VSIG10L2: variants seen among roughly 807,000 people sequenced by gnomAD.
VSIG10L2 encodes the protein V-set and immunoglobulin domain-containing protein 10-like 2.
VSIG10L2 carries 56 observed loss-of-function variants against 67.1 expected under a neutral mutation model. The observed-to-expected ratio is 0.83, with a 90% CI of 0.67 to 1.04. The LOEUF is 1.04. VSIG10L2 is among the 50% of genes least tolerant of loss of function. VSIG10L2 has a pLI of 0.00. For missense variants in VSIG10L2, 843 were observed against 932.8 expected, an observed-to-expected ratio of 0.90 and a Z score of 1.25; for synonymous variants, 360 against 396.6, an observed-to-expected ratio of 0.91 and a Z score of 1.10.
rs140039395 is a variant in VSIG10L2, at chr11:125,955,506, C to A, written c.2231C>A (p.Thr744Lys). The A allele has an allele frequency of 1.2e-3, 1,125 of 962,972 alleles. 2 individuals are homozygous for A. Among genetic ancestry groups the A allele is most frequent in the Non-Finnish European group, 1.2e-3 (783 of 644,870 alleles). The allele number at this position is 962,972 out of a possible 1,614,324, so 59.7% of individuals were successfully genotyped here. The change falls in exon 10 of 12, where the codon ACG becomes AAG. Residue 744 changes from threonine to lysine, a missense_variant and splice_region_variant. Thr to Lys is a moderately conservative substitution (Grantham distance 78). Transcript: ENST00000686984. ...GGCCTTGGTCAATTGCTTGTTCCCA[C>A]GTGAGTGTGGAACCCCAGTCATCCT... Reference protein sequence around the residue: ...FPRLGQLLVPTEQRHQQRGSR... With the variant: ...FPRLGQLLVPKEQRHQQRGSR...
rs1945347219 is a variant in VSIG10L2 at position 125,950,153 on chromosome 11, C to CCACA, written c.851_854dup (p.Gln286HisfsTer48). The CCACA allele has an allele frequency of 1.6e-6, 2 of 1,232,186 alleles. No homozygotes were observed. Among genetic ancestry groups the CCACA allele is most frequent in the African/African-American group, 3.1e-5 (2 of 64,416 alleles). 76.3% of individuals were successfully genotyped at this position (1,232,186 alleles called of 1,614,324 possible). A position where few individuals can be genotyped will look rare whatever the true frequency, so the allele number is the denominator to read the frequency against. On this transcript the variant is annotated frameshift_variant, in exon 4 of 12. Coordinates refer to ENST00000686984, the MANE Select transcript of VSIG10L2 (RefSeq NM_001365077.2). LOFTEE classifies it high-confidence loss of function. ...CTAGTCACTATGTGTGGCTCCGTGA[C>CCACA]CACACGCAAGTCCACACGGGGCCTA...
rs146066720 is a variant in VSIG10L2, at chr11:125,955,066, C to G, written c.2093C>G (p.Pro698Arg). The change falls in exon 9 of 12, where the codon CCC becomes CGC. Residue 698 changes from proline (P) to arginine (R), a missense_variant. By Grantham distance (103) the Pro-to-Arg change is moderately radical. Transcript: ENST00000686984. The part of the protein sequence containing the change: ...PSEVKIPADP[P>R]FSAYPAVLGA... Reference sequence around the variant, plus strand: ...TGCTCTCCCCTCCTAGCGGACCCCCCCTTCAGCGCCTACCCAGCGGTGTTG... The same window carrying G: ...TGCTCTCCCCTCCTAGCGGACCCCCGCTTCAGCGCCTACCCAGCGGTGTTG... 568 of 1,235,028 alleles carry G rather than the reference C, an allele frequency of 4.6e-4. 2 individuals are homozygous for G. In the African/African-American group the frequency reaches 7.0e-3, roughly 15 times the overall value. 76.5% of individuals were successfully genotyped at this position (1,235,028 alleles called of 1,614,324 possible). A position where few individuals can be genotyped will look rare whatever the true frequency, so the allele number is the denominator to read the frequency against.
intron 7 of VSIG10L2, 133 bp from the exon 8 acceptor site, chr11:125,953,954 T>TCAGGTCCACAGACCCCAATCCAGTGC: frequency 1.3e-6 from 1 of 794,816 alleles, no homozygotes; most frequent in Non-Finnish European, 1.7e-6. Flanking sequence ...GCAGGGCTTC[T>TCAGGTCCACAGACCCCAATCCAGTGC]CAGGTCCACA....
chr11:125,950,430 C>A, intron 4 of VSIG10L2, 141 bp downstream of exon 4: 1 of 883,000 alleles, frequency 1.1e-6, no homozygotes, highest in Non-Finnish European at 1.5e-6. Flanking sequence ...GGGAGGTCTC[C>A]AACCAAGTGG....
rs1054373063 is a variant in VSIG10L2, at chr11:125,947,850, A to G, written c.247A>G (p.Thr83Ala). Residue 83 changes from threonine (T) to alanine (A), a missense_variant, in exon 2 of 12, where the codon ACC (threonine) becomes GCC (alanine). Transcript: ENST00000686984. Reference sequence around the variant, plus strand: ...CCTGGTTCCCCGGCCTGTGGCCGTCACCGATGGAGCCATGTCCAAGGTGGA... The same window carrying G: ...CCTGGTTCCCCGGCCTGTGGCCGTCGCCGATGGAGCCATGTCCAAGGTGGA... ...GSLVPRPVAVTDGAMSKVEAI... is the reference protein window; with the variant it reads ...GSLVPRPVAVADGAMSKVEAI... 54 of 1,232,214 alleles carry G rather than the reference A, an allele frequency of 4.4e-5. No homozygotes were observed. In the African/African-American group the frequency reaches 7.8e-4, roughly 18 times the overall value. 76.3% of individuals were successfully genotyped at this position (1,232,214 alleles called of 1,614,324 possible). A position where few individuals can be genotyped will look rare whatever the true frequency, so the allele number is the denominator to read the frequency against.
chr11:125,956,003 C>G lies in VSIG10L2; in HGVS notation c.*89C>G, dbSNP rs146891546. The G allele has an allele frequency of 4.3e-5, 28 of 649,522 alleles. No individual in the cohort carries two copies. The South Asian group carries it at 4.6e-4, about 11-fold the overall frequency. The allele number at this position is 649,522 out of a possible 1,614,324, so 40.2% of individuals were successfully genotyped here. A position where few individuals can be genotyped will look rare whatever the true frequency, so the allele number is the denominator to read the frequency against. ...TGTCAGACTTTGGTCATAAAACCAA[C>G]GTAGCTAAGACACCAACTACCACTT... On this transcript the variant is annotated 3_prime_UTR_variant, in exon 12 of 12. Coordinates refer to ENST00000686984, the MANE Select transcript of VSIG10L2 (RefSeq NM_001365077.2).
Position 125,954,196 on chromosome 11 carries a change from C to T in VSIG10L2, c.1896C>T (p.Phe632=). Residue 632 remains phenylalanine, a synonymous_variant, in exon 8 of 12, where the codon TTC becomes TTT. Coordinates refer to ENST00000686984, the MANE Select transcript of VSIG10L2 (RefSeq NM_001365077.2). ...TAGGACCCGGGAACCTGACGGGCTT[C>T]CTGGTGCAGCGGAAGGCCAGTGCCC... ...AILGPGNLTG[F]LVQRKASALG... 2.4e-6 allele frequency: 3 copies of T among 1,232,244 alleles called. No homozygotes were observed. Among genetic ancestry groups the T allele is most frequent in the Non-Finnish European group, 3.0e-6 (3 of 988,022 alleles). 76.3% of individuals were successfully genotyped at this position (1,232,244 alleles called of 1,614,324 possible).
chr11:125,955,254 T>C (rs1056842792), intron 9 of VSIG10L2, 75 bp downstream of exon 9: 2 of 1,309,722 alleles, frequency 1.5e-6, no homozygotes, highest in Middle Eastern at 2.8e-4. Context: ...AAAGGAGAGA[T>C]GCAGCACTCC....
intron 8 of VSIG10L2, 105 bp from the exon 9 acceptor site, chr11:125,954,952 G>A (rs962851523): frequency 8.7e-6 from 10 of 1,145,090 alleles, no homozygotes; most frequent in Non-Finnish European, 1.1e-5. Context: ...GGAACTGGAT[G>A]AGCAGGGCAC....
Position 125,950,312 on chromosome 11 carries a change from G to A in VSIG10L2, c.985+23G>A, listed in dbSNP as rs567102124. ...ACTGTGAGTGTGGGGGTCGGGTGAC[G>A]CCCAGACCTGTCCTGGGGACAACTC... On this transcript the variant is annotated intron_variant, in intron 4 of 11. Transcript: ENST00000686984. 134 of 1,232,262 alleles carry A rather than the reference G, an allele frequency of 1.1e-4. No individual in the cohort carries two copies. In the East Asian group the frequency reaches 3.4e-3, roughly 31 times the overall value. The allele number at this position is 1,232,262 out of a possible 1,614,324, so 76.3% of individuals were successfully genotyped here. A position where few individuals can be genotyped will look rare whatever the true frequency, so the allele number is the denominator to read the frequency against.
chr11:125,954,973 G>A, intron 8 of VSIG10L2, 84 bp from the exon 9 acceptor site: 16 of 1,222,072 alleles, frequency 1.3e-5, no homozygotes, highest in Non-Finnish European at 1.6e-5. Context: ...CGCTTCTCCA[G>A]AACCCTAGTG....
chr11:125,947,753 C>G lies in VSIG10L2; in HGVS notation c.150C>G (p.Gly50=), dbSNP rs1945316754. The G allele has an allele frequency of 8.1e-7, 1 of 1,232,272 alleles. No homozygotes were observed. The highest frequency in any genetic ancestry group is 4.2e-5 in the Admixed American group (1 of 23,694). 76.3% of individuals were successfully genotyped at this position (1,232,272 alleles called of 1,614,324 possible). ...TGTCTGTCCAGGGAGTGCGAGGTGG[C>G]TCCGTGGAGCTGGCCTGTGGCTCAG... ...EVVSVQGVRG[G]SVELACGSGP... is the part of the protein sequence containing the mutation. The change falls in exon 2 of 12, where the codon GGC becomes GGG. Residue 50 remains glycine, a synonymous_variant. Transcript: ENST00000686984.
chr11:125,952,069 G>C lies in VSIG10L2; in HGVS notation c.1491G>C (p.Gln497His), dbSNP rs1433607124. Residue 497 changes from glutamine (Q) to histidine (H), a missense_variant, in exon 6 of 12, where the codon CAG (glutamine) becomes CAC (histidine). Transcript: ENST00000686984. ...LRTPDPHCHL[Q>H]LEAPQLDVAE... The stretch of plus-strand genomic sequence containing the variant: ...CCCCTGACCCCCACTGCCACCTCCA[G>C]CTGGGTGAGTAGGGGCTAGCGAGTT... 2.0e-6 allele frequency: 3 copies of C among 1,533,558 alleles called. No individual in the cohort carries two copies. In the East Asian group the frequency reaches 7.3e-5, roughly 38 times the overall value. 95.0% of individuals were successfully genotyped at this position (1,533,558 alleles called of 1,614,324 possible). A position where few individuals can be genotyped will look rare whatever the true frequency, so the allele number is the denominator to read the frequency against.
rs1217156810 is a variant in VSIG10L2 at position 125,955,197 on chromosome 11, G to A, written c.2206+18G>A. On this transcript the variant is annotated intron_variant, in intron 9 of 11. Coordinates refer to ENST00000686984, the MANE Select transcript of VSIG10L2 (RefSeq NM_001365077.2). Reference sequence around the variant, plus strand: ...TTTCCCCCGTGAGTGGGAATCGGAAGGGACGGGCTGCTTGACCCCACAGGG... The same window carrying A: ...TTTCCCCCGTGAGTGGGAATCGGAAAGGACGGGCTGCTTGACCCCACAGGG... 1 of 1,249,420 alleles carries A rather than the reference G, an allele frequency of 8.0e-7. No homozygotes were observed. The highest frequency in any genetic ancestry group is 3.1e-5 in the East Asian group (1 of 32,416). 77.4% of individuals were successfully genotyped at this position (1,249,420 alleles called of 1,614,324 possible).
chr11:125,950,922 G>C lies in VSIG10L2; in HGVS notation c.998G>C (p.Gly333Ala). The change falls in exon 5 of 12, where the codon GGA becomes GCA. Residue 333 changes from glycine to alanine, a missense_variant. Gly to Ala is a moderately conservative substitution (Grantham distance 60). Transcript: ENST00000686984. ...VQLTIYYPPE[G>A]QPSCAVHPSP... is the part of the protein sequence containing the mutation. ...CTTCCCCATCCAGATCCCCCTGAGGGACAGCCCTCCTGTGCAGTGCATCCC... is the reference window on the plus strand; with the variant it reads ...CTTCCCCATCCAGATCCCCCTGAGGCACAGCCCTCCTGTGCAGTGCATCCC... 1 of 1,232,574 alleles carries C rather than the reference G, an allele frequency of 8.1e-7. No homozygotes were observed. The highest frequency in any genetic ancestry group is 1.0e-6 in the Non-Finnish European group (1 of 988,330). 76.4% of individuals were successfully genotyped at this position (1,232,574 alleles called of 1,614,324 possible).
chr11:125,951,391 C>T (rs1159417412), intron 5 of VSIG10L2, among the ~76,000 whole-genome samples: 2 of 152,194 alleles, frequency 1.3e-5, no homozygotes, highest in African/African-American at 4.8e-5. Context: ...TGACACCTCC[C>T]CACTGTCCCT....
chr11:125,955,869 G>A lies in VSIG10L2; in HGVS notation c.2337G>A (p.Thr779=), dbSNP rs775406862. The change falls in exon 12 of 12, where the codon ACG becomes ACA. Residue 779 remains threonine (T), a synonymous_variant. Transcript: ENST00000686984. ...GTTTGGATCCTGCACAAGAAACCAC[G>A]GATTCTCCAGTGAATGTCACCATCA... ...TPGLDPAQET[T]DSPVNVTITV... is the part of the protein sequence containing the mutation. 19 of 693,760 alleles carry A rather than the reference G, an allele frequency of 2.7e-5. No individual in the cohort carries two copies. The highest frequency in any genetic ancestry group is 6.2e-5 in the Admixed American group (3 of 48,362). 43.0% of individuals were successfully genotyped at this position (693,760 alleles called of 1,614,324 possible).
At position 125,951,950 on chromosome 11, in the gene VSIG10L2, G is replaced by A. The variant is rs530604568; in HGVS notation, c.1372G>A (p.Gly458Ser). The change falls in exon 6 of 12, where the codon GGC becomes AGC. Residue 458 changes from glycine to serine, a missense_variant. Gly to Ser is a moderately conservative substitution (Grantham distance 56). Transcript: ENST00000686984. ...TGACGAACAGCAGCAGCCCCTGGGC[G>A]GCAGCAGCTCCTCGATGGCCGTTCA... ...WLDEQQQPLG[G>S]SSSSMAVHLL... 6.8e-4 allele frequency: 1,047 copies of A among 1,536,134 alleles called. 1 individual carries two copies. The highest frequency in any genetic ancestry group is 7.1e-4 in the Non-Finnish European group (815 of 1,146,896).
chr11:125,948,521 G>A lies in VSIG10L2; in HGVS notation c.650G>A (p.Cys217Tyr). The A allele has an allele frequency of 1.6e-6, 2 of 1,232,232 alleles. No homozygotes were observed. The highest frequency in any genetic ancestry group is 2.0e-6 in the Non-Finnish European group (2 of 988,018). 76.3% of individuals were successfully genotyped at this position (1,232,232 alleles called of 1,614,324 possible). Residue 217 changes from cysteine (C) to tyrosine (Y), a missense_variant, in exon 3 of 12, where the codon TGC (cysteine) becomes TAC (tyrosine). By Grantham distance (194) the Cys-to-Tyr change is radical (BLOSUM62 -2). Transcript: ENST00000686984. The part of the protein sequence containing the change: ...VNRTHLGWYM[C>Y]SASNSVNRLS... ...CGGACACACCTAGGGTGGTACATGTGCAGCGCCAGCAACTCCGTGAACAGG... is the reference window on the plus strand; with the variant it reads ...CGGACACACCTAGGGTGGTACATGTACAGCGCCAGCAACTCCGTGAACAGG...
Sources: allele counts gnomAD v4.1 joint callset (sites outside exome capture counted in the v4.1 genomes callset), GRCh38; gene constraint gnomAD v4.1.1; transcripts MANE v1.5; gene names NCBI Gene and HGNC (gene_info 2026-07-23, HGNC 2026-07-21).